Variants in WWOX observed in about 807,000 individuals in gnomAD.
The protein encoded by WWOX is WW domain containing oxidoreductase.
In WWOX, 69 loss-of-function variants were observed where a neutral mutation model predicts 46.2. The ratio of observed to expected loss-of-function variants is 1.49; its 90% CI spans 1.23 to 1.82. The LOEUF (loss-of-function observed/expected upper bound fraction) is 1.82. Among genes scored for constraint, WWOX ranks in the 40% most tolerant of loss-of-function variants. The pLI is 0.00. For synonymous variants in WWOX, 359 were observed against 202.6 expected (o/e 1.77, Z -6.56); for missense variants, 919 against 542.6 (o/e 1.69, Z -6.89).
At chr16:78,984,496 A>G (rs1039929472) in intron 8 of WWOX, among the ~76,000 whole-genome samples, 24 of 152,348 alleles carry the variant, frequency 1.6e-4, no homozygotes, top group African/African-American at 5.5e-4. Context: ...CCGTGTGCCA[A>G]TAAAACTTTA....
At chr16:78,463,107 C>T (rs1895315830) in intron 8 of WWOX, among the ~76,000 whole-genome samples, 2 of 152,168 alleles carry the variant, frequency 1.3e-5, no homozygotes, top group South Asian at 2.1e-4. Flanking sequence ...ATCCGTATCC[C>T]ACTGCAATTC....
At position 78,751,209 on chromosome 16, in the gene WWOX, G is replaced by C. The variant is rs76763844; in HGVS notation, c.1056+318457G>C. ...TAAAAGACAGATGTATTTAATTTGT[G>C]TTTCGAACTACATATCAGAAATTAG... On this transcript the variant is annotated intron_variant, in intron 8 of 8. Coordinates refer to ENST00000566780, the MANE Select transcript of WWOX (RefSeq NM_016373.4). Among the ~76,000 whole-genome samples the C allele has an allele frequency of 7.1e-3, 1,081 of 152,002 alleles. 7 individuals carry two copies. The highest frequency in any genetic ancestry group is 0.024 in the African/African-American group (983 of 41,456).
chr16:78,269,097 C>T (rs1268351683), intron 5 of WWOX: 1 of 152,200 alleles, frequency 6.6e-6, no homozygotes, highest in Non-Finnish European at 1.5e-5. Flanking sequence ...AGCTTTAAAT[C>T]ATTCCTTTAC....
At chr16:78,810,167 C>T (rs903165984) in intron 8 of WWOX, among the ~76,000 whole-genome samples, 5 of 152,168 alleles carry the variant, frequency 3.3e-5, no homozygotes, top group African/African-American at 1.2e-4. Flanking sequence ...TATTCTTCTT[C>T]AGAGTGACGG....
intron 8 of WWOX, among the ~76,000 whole-genome samples, chr16:78,811,602 C>T (rs1370535161): frequency 2.0e-5 from 3 of 152,020 alleles, no homozygotes; most frequent in Non-Finnish European, 4.4e-5. Flanking sequence ...AGCTCCTGAC[C>T]TCAGGTGATC....
intron 8 of WWOX, among the ~76,000 whole-genome samples, chr16:78,746,844 T>C (rs1244269256): frequency 6.6e-6 from 1 of 152,188 alleles, no homozygotes; most frequent in Non-Finnish European, 1.5e-5. Context: ...AAAATAAATA[T>C]TTGATCTTGT....
intron 8 of WWOX, among the ~76,000 whole-genome samples, chr16:79,171,189 A>T (rs2050693077): frequency 6.6e-6 from 1 of 152,202 alleles, no homozygotes; most frequent in Admixed American, 6.5e-5. Flanking sequence ...AGCGACAGAT[A>T]ATTACAACAT....
intron 8 of WWOX, chr16:78,757,152 C>G (rs1013963792): frequency 1.1e-4 from 68 of 622,440 alleles, no homozygotes; most frequent in Non-Finnish European, 1.7e-4. Context: ...TCACAAGTTT[C>G]TGCACCACAG....
At position 79,140,856 on chromosome 16, in the gene WWOX, T is replaced by G. The variant is rs566876567; in HGVS notation, c.1057-70752T>G. The stretch of plus-strand genomic sequence containing the variant: ...GAGTCTTCTTGTCACTCAAACAGTT[T>G]CCGTACGTCAGTTTCACACCTCTGT... On this transcript the variant is annotated intron_variant, in intron 8 of 8. Coordinates refer to ENST00000566780, the MANE Select transcript of WWOX (RefSeq NM_016373.4). Among the ~76,000 whole-genome samples, 4 of 152,172 alleles carry G rather than the reference T, an allele frequency of 2.6e-5. No individual in the cohort carries two copies. In the East Asian group the frequency reaches 7.7e-4, roughly 29 times the overall value.
intron 8 of WWOX, among the ~76,000 whole-genome samples, chr16:78,885,079 A>G (rs932874553): frequency 6.6e-6 from 1 of 152,018 alleles, no homozygotes; most frequent in Non-Finnish European, 1.5e-5. Flanking sequence ...CAGTGGTGAG[A>G]GTGTCACTGG....
chr16:78,817,039 G>A (rs1443261077), intron 8 of WWOX, among the ~76,000 whole-genome samples: 1 of 152,044 alleles, frequency 6.6e-6, no homozygotes, highest in East Asian at 1.9e-4. Context: ...TGATCCCACA[G>A]TCTGAAGTAC....
At chr16:78,816,186 C>T (rs2051325550) in intron 8 of WWOX, among the ~76,000 whole-genome samples, 1 of 152,102 alleles carries the variant, frequency 6.6e-6, no homozygotes, top group Non-Finnish European at 1.5e-5. Context: ...TCTGATAAAC[C>T]CTCTGATAAA....
chr16:78,591,147 C>G (rs542314217), intron 8 of WWOX, among the ~76,000 whole-genome samples: 2 of 152,130 alleles, frequency 1.3e-5, no homozygotes, highest in Admixed American at 6.5e-5. Flanking sequence ...GTTTCACCCC[C>G]CTTTCTCCCT....
At chr16:78,338,957 T>C (rs551536577) in intron 5 of WWOX, among the ~76,000 whole-genome samples, 1 of 121,072 alleles carries the variant, frequency 8.3e-6, no homozygotes, top group South Asian at 2.5e-4. Flanking sequence ...TGAATTCAGT[T>C]GGTCTTTATA....
chr16:78,817,137 C>A (rs1413732423), intron 8 of WWOX, among the ~76,000 whole-genome samples: 1 of 137,930 alleles, frequency 7.3e-6, no homozygotes, highest in African/African-American at 2.7e-5. Context: ...TAAACATTTT[C>A]CTGTTGCCAG....
intron 7 of WWOX, among the ~76,000 whole-genome samples, chr16:78,432,208 C>G (rs1475934134): frequency 6.6e-6 from 1 of 151,826 alleles, no homozygotes; most frequent in African/African-American, 2.4e-5. Context: ...ACCTCTGCCT[C>G]CCATGTTTCA....
chr16:79,161,687 T>G (rs2050489769), intron 8 of WWOX, among the ~76,000 whole-genome samples: 1 of 151,990 alleles, frequency 6.6e-6, no homozygotes, highest in Non-Finnish European at 1.5e-5. Context: ...CCCGGCTAGT[T>G]TTTGTATTTT....
chr16:78,429,657 C>G (rs764011973), intron 7 of WWOX, among the ~76,000 whole-genome samples: 1 of 152,166 alleles, frequency 6.6e-6, no homozygotes, highest in Non-Finnish European at 1.5e-5. Flanking sequence ...TGTCCCATAC[C>G]TTGGATCATT....
intron 8 of WWOX, among the ~76,000 whole-genome samples, chr16:79,110,002 C>T (rs1044995672): frequency 6.6e-6 from 1 of 152,158 alleles, no homozygotes; most frequent in South Asian, 2.1e-4. Context: ...CGTTATGTCG[C>T]AAGGGCTTTG....
Sources: allele counts gnomAD v4.1 joint callset (sites outside exome capture counted in the v4.1 genomes callset), GRCh38; gene constraint gnomAD v4.1.1; transcripts MANE v1.5; gene names NCBI Gene and HGNC (gene_info 2026-07-23, HGNC 2026-07-21).